Variants in AGBL1 observed in about 807,000 individuals in gnomAD.
The protein encoded by AGBL1 is cytosolic carboxypeptidase 4.
AGBL1 carries 130 observed loss-of-function variants against 118.9 expected under a neutral mutation model. That is an observed-to-expected ratio of 1.09 (90% CI 0.95 to 1.26). AGBL1 has a LOEUF of 1.26. Among genes scored for constraint, AGBL1 ranks in the 50% most tolerant of loss-of-function variants. The pLI is 0.00. For missense variants in AGBL1, 1,584 were observed against 1,298.1 expected (o/e 1.22, Z -3.38); for synonymous variants, 555 against 478.9 (o/e 1.16, Z -2.08).
At chr15:86,928,855 A>T (rs191762600) in intron 23 of AGBL1, among the ~76,000 whole-genome samples, 2 of 137,436 alleles carry the variant, frequency 1.5e-5, no homozygotes, top group Admixed American at 7.8e-5. Context: ...TTAATTTATA[A>T]TTTTTTTCAC....
chr15:86,449,939 G>A (rs1342543139), intron 18 of AGBL1, among the ~76,000 whole-genome samples: 1 of 109,548 alleles, frequency 9.1e-6, no homozygotes, highest in East Asian at 4.8e-4. Flanking sequence ...CTCTTTTGCT[G>A]GCGTATTAAA....
chr15:86,937,381 A>G (rs1323515410), intron 23 of AGBL1, among the ~76,000 whole-genome samples: 2 of 152,252 alleles, frequency 1.3e-5, no homozygotes, highest in Non-Finnish European at 2.9e-5. Flanking sequence ...TAGTCACAAT[A>G]GCAAAGACAT....
rs180895461 is a variant in AGBL1 at position 86,431,938 on chromosome 15, T to C, written c.2555+34392T>C. The stretch of plus-strand genomic sequence containing the variant: ...CACCCCAGGGCTACTGGGCTGTGTA[T>C]TGGCAACACGATAGCTCTGAATCCC... On this transcript the variant is annotated intron_variant, in intron 18 of 22. Transcript: ENST00000614907. 1.1e-3 allele frequency among the ~76,000 whole-genome samples: 165 copies of C among 152,248 alleles called. 3 individuals are homozygous for C. The highest frequency in any genetic ancestry group is 0.01 in the Middle Eastern group (3 of 294).
intron 3 of AGBL1, among the ~76,000 whole-genome samples, chr15:86,146,028 G>T (rs892768221): frequency 6.6e-6 from 1 of 152,084 alleles, no homozygotes; most frequent in Non-Finnish European, 1.5e-5. Flanking sequence ...TATATACCTC[G>T]GTCATAAACG....
At chr15:86,410,827 T>A (rs1390819018) in intron 18 of AGBL1, among the ~76,000 whole-genome samples, 1 of 93,516 alleles carries the variant, frequency 1.1e-5, no homozygotes, top group Non-Finnish European at 2.0e-5. Flanking sequence ...TATATATATA[T>A]ATATATATAT....
intron 19 of AGBL1, among the ~76,000 whole-genome samples, chr15:86,535,437 T>C (rs1644747606): frequency 6.6e-6 from 1 of 152,234 alleles, no homozygotes. Context: ...CAGCCTCTTC[T>C]GAGCTGCCAT....
At chr15:86,950,549 A>T (rs2080869610) in intron 23 of AGBL1, among the ~76,000 whole-genome samples, 1 of 151,138 alleles carries the variant, frequency 6.6e-6, no homozygotes, top group Non-Finnish European at 1.5e-5. Flanking sequence ...ATGCACACAC[A>T]TATATTTGTG....
At chr15:86,856,243 G>T (rs1451016854) in intron 22 of AGBL1, among the ~76,000 whole-genome samples, 1 of 152,192 alleles carries the variant, frequency 6.6e-6, no homozygotes, top group Non-Finnish European at 1.5e-5. Context: ...GATGTTATCT[G>T]TGAGTTTTTT....
At chr15:86,306,905 T>G (rs1471891681) in intron 17 of AGBL1, among the ~76,000 whole-genome samples, 1 of 152,220 alleles carries the variant, frequency 6.6e-6, no homozygotes, top group Non-Finnish European at 1.5e-5. Context: ...TTTGCATTTA[T>G]CTGATGATCA....
chr15:86,320,752 T>C (rs2080093657), intron 17 of AGBL1, among the ~76,000 whole-genome samples: 1 of 151,908 alleles, frequency 6.6e-6, no homozygotes, highest in Non-Finnish European at 1.5e-5. Context: ...TGTATTCATT[T>C]ATGAGGTTAA....
intron 18 of AGBL1, among the ~76,000 whole-genome samples, chr15:86,499,381 G>A (rs1301892555): frequency 1.3e-5 from 2 of 151,898 alleles, no homozygotes; most frequent in Non-Finnish European, 2.9e-5. Flanking sequence ...ATGGGTTTGA[G>A]AAGGGTTGGG....
At chr15:86,178,800 A>G (rs1260468423) in intron 5 of AGBL1, among the ~76,000 whole-genome samples, 4 of 152,294 alleles carry the variant, frequency 2.6e-5, no homozygotes, top group African/African-American at 4.8e-5. Context: ...CTTCCAACCA[A>G]TATCTCTCTT....
At chr15:86,680,544 TTTTC>T (rs1192641578) in intron 22 of AGBL1, among the ~76,000 whole-genome samples, 7 of 150,228 alleles carry the variant, frequency 4.7e-5, no homozygotes, top group East Asian at 2.0e-4. Flanking sequence ...TTCTTTTCTT[TTTTC>T]TTTCTTTCTT....
At chr15:86,084,191 A>G (rs548139216) in intron 1 of AGBL1, among the ~76,000 whole-genome samples, 34 of 152,350 alleles carry the variant, frequency 2.2e-4, no homozygotes, top group African/African-American at 6.3e-4. Flanking sequence ...CTTTGTGACA[A>G]TCAACCTGGG....
intron 24 of AGBL1, among the ~76,000 whole-genome samples, chr15:87,009,724 C>A (rs1596736642): frequency 1.3e-5 from 2 of 152,168 alleles, no homozygotes; most frequent in East Asian, 3.9e-4. Flanking sequence ...CCATGGGAGC[C>A]CACTTGCATC....
intron 18 of AGBL1, among the ~76,000 whole-genome samples, chr15:86,406,284 G>A (rs2081529380): frequency 2.6e-5 from 4 of 152,180 alleles, no homozygotes; most frequent in South Asian, 4.1e-4. Flanking sequence ...GGGCATCTGA[G>A]CACTGTAGTC....
rs1567234746 is a variant in AGBL1 at position 86,395,809 on chromosome 15, GATA to G, written c.2375-1552_2375-1550del. On this transcript the variant is annotated intron_variant, in intron 17 of 22. Transcript: ENST00000614907. ...TTATTTTTTTTTTGGTCTTAGTGAT[GATA>G]ATAACATAATTCAGTAATTTTAAAG... Among the ~76,000 whole-genome samples the G allele has an allele frequency of 2.6e-5, 4 of 152,072 alleles. No individual in the cohort carries two copies. The South Asian group carries it at 8.3e-4, about 32-fold the overall frequency.
intron 17 of AGBL1, among the ~76,000 whole-genome samples, chr15:86,368,790 T>C (rs949182330): frequency 1.3e-5 from 2 of 152,170 alleles, no homozygotes; most frequent in Admixed American, 1.3e-4. Context: ...TAAGATGTAA[T>C]AGCTGAAATT....
chr15:86,534,999 T>G (rs1176743400), intron 19 of AGBL1, among the ~76,000 whole-genome samples: 1 of 152,196 alleles, frequency 6.6e-6, no homozygotes, highest in Non-Finnish European at 1.5e-5. Flanking sequence ...ATTCAGGATC[T>G]GCGTTTTTCA....
Sources: allele counts gnomAD v4.1 joint callset (sites outside exome capture counted in the v4.1 genomes callset), GRCh38; gene constraint gnomAD v4.1.1; transcripts MANE v1.5; gene names NCBI Gene and HGNC (gene_info 2026-07-23, HGNC 2026-07-21).